The following SULT1B1 variants were observed in gnomAD, a reference collection of about 807,000 sequenced individuals.
SULT1B1 encodes sulfotransferase 1B1.
SULT1B1 carries 28 observed loss-of-function variants against 34.6 expected under a neutral mutation model. The observed-to-expected ratio is 0.81, with a 90% CI of 0.60 to 1.11. The LOEUF (loss-of-function observed/expected upper bound fraction) is 1.11. Ranked by LOEUF, SULT1B1 falls within the 50% of genes least tolerant of loss-of-function variation. The pLI is 0.00. For missense variants in SULT1B1, 374 were observed against 352.2 expected (o/e 1.06, Z -0.50); for synonymous variants, 147 against 110.2 (o/e 1.33, Z -2.09).
Position 69,726,082 on chromosome 4 carries a change from A to ATATATATAT in SULT1B1, c.*1005_*1006insATATATATA, listed in dbSNP as rs1491502871. On this transcript the variant is annotated 3_prime_UTR_variant, in exon 8 of 8. Transcript: ENST00000310613. ...TATATATATATATATATATATATAT[A>ATATATATAT]AATGTTCCAAGAAAACATAGATCAG... The ATATATATAT allele has an allele frequency of 2.6e-5, 3 of 116,752 alleles. No individual in the cohort carries two copies. Among genetic ancestry groups the ATATATATAT allele is most frequent in the South Asian group, 2.7e-4 (1 of 3,726 alleles). 7.2% of individuals were successfully genotyped at this position (116,752 alleles called of 1,614,324 possible). A position where few individuals can be genotyped will look rare whatever the true frequency, so the allele number is the denominator to read the frequency against.
At chr4:69,729,721 T>C (rs900440306) in intron 7 of SULT1B1, among the ~76,000 whole-genome samples, 1 of 152,114 alleles carries the variant, frequency 6.6e-6, no homozygotes, top group African/African-American at 2.4e-5. Flanking sequence ...TTCCTAAGGC[T>C]ATGCTCACTT....
intron 1 of SULT1B1, among the ~76,000 whole-genome samples, chr4:69,757,307 T>C (rs771901279): frequency 1.4e-4 from 22 of 152,204 alleles, no homozygotes; most frequent in Non-Finnish European, 2.6e-4. Flanking sequence ...AATTGCATAA[T>C]ATCTTAGATG....
intron 7 of SULT1B1, among the ~76,000 whole-genome samples, chr4:69,730,111 T>C (rs1291560051): frequency 6.6e-6 from 1 of 152,058 alleles, no homozygotes; most frequent in African/African-American, 2.4e-5. Flanking sequence ...ATGGGGACTT[T>C]AAAGACTATG....
chr4:69,735,264 G>A (rs145352995), intron 4 of SULT1B1, among the ~76,000 whole-genome samples: 1 of 152,006 alleles, frequency 6.6e-6, no homozygotes, highest in Non-Finnish European at 1.5e-5. Flanking sequence ...ATATACTCTT[G>A]GATTGGGCAG....
chr4:69,753,629 C>T (rs187606325), intron 3 of SULT1B1, among the ~76,000 whole-genome samples: 1 of 152,190 alleles, frequency 6.6e-6, no homozygotes, highest in Non-Finnish European at 1.5e-5. Flanking sequence ...GGACTGTATC[C>T]TGGGATATTC....
In SULT1B1 at chr4:69,726,974, G is replaced by T; in HGVS notation, c.*114C>A. 1 of 633,670 alleles carries T rather than the reference G, an allele frequency of 1.6e-6. No individual in the cohort carries two copies. Among genetic ancestry groups the T allele is most frequent in the Non-Finnish European group, 2.5e-6 (1 of 399,808 alleles). 39.3% of individuals were successfully genotyped at this position (633,670 alleles called of 1,614,324 possible). On this transcript the variant is annotated 3_prime_UTR_variant, in exon 8 of 8. Transcript: ENST00000310613. Reference sequence around the variant, plus strand: ...ATTGAAAAGAATCAACATATTAAAAGCATATTATTCTCCTTTATAAATTCA... The same window carrying T: ...ATTGAAAAGAATCAACATATTAAAATCATATTATTCTCCTTTATAAATTCA...
chr4:69,723,745 C>T lies in SULT1B1; in HGVS notation c.*3343G>A, dbSNP rs1005443789. 4.6e-5 allele frequency: 7 copies of T among 152,108 alleles called. No individual in the cohort carries two copies. Among genetic ancestry groups the T allele is most frequent in the African/African-American group, 1.4e-4 (6 of 41,410 alleles). The allele number at this position is 152,108 out of a possible 1,614,324, so 9.4% of individuals were successfully genotyped here. A position where few individuals can be genotyped will look rare whatever the true frequency, so the allele number is the denominator to read the frequency against. On this transcript the variant is annotated 3_prime_UTR_variant, in exon 8 of 8. Transcript: ENST00000310613. ...CATATGCAAATCAATAAATGTAATCCAGCATATAAACAGAACCAAAGACAA... is the reference window on the plus strand; with the variant it reads ...CATATGCAAATCAATAAATGTAATCTAGCATATAAACAGAACCAAAGACAA...
chr4:69,756,758 T>C (rs1719206713), intron 1 of SULT1B1, among the ~76,000 whole-genome samples: 1 of 152,150 alleles, frequency 6.6e-6, no homozygotes, highest in South Asian at 2.1e-4. Flanking sequence ...CCTGCATACC[T>C]GCCTCTAAAA....
At chr4:69,743,700 G>T (rs1017978208) in intron 4 of SULT1B1, among the ~76,000 whole-genome samples, 3 of 152,178 alleles carry the variant, frequency 2.0e-5, no homozygotes, top group African/African-American at 7.2e-5. Flanking sequence ...AAGTCCAGAG[G>T]GGACCCAGGG....
intron 1 of SULT1B1, among the ~76,000 whole-genome samples, chr4:69,759,515 G>C (rs1719316638): frequency 6.6e-6 from 1 of 152,186 alleles, no homozygotes; most frequent in South Asian, 2.1e-4. Context: ...ATATATGCTA[G>C]TCACCTCTGG....
In SULT1B1 at chr4:69,727,596, GA is replaced by G. The variant is rs1578043714; in HGVS notation, c.779-397del. 2.0e-5 allele frequency among the ~76,000 whole-genome samples: 3 copies of G among 151,998 alleles called. No individual in the cohort carries two copies. In the East Asian group the frequency reaches 5.8e-4, roughly 29 times the overall value. On this transcript the variant is annotated intron_variant, in intron 7 of 7. Transcript: ENST00000310613. The stretch of plus-strand genomic sequence containing the variant: ...ATTTTATTTCACAAAGTAATTTTTG[GA>G]AACTAGACAAAAAATTAGTCATCAG...
At chr4:69,732,887 A>AT (rs1491345258) in intron 6 of SULT1B1, among the ~76,000 whole-genome samples, 13 of 152,054 alleles carry the variant, frequency 8.5e-5, no homozygotes, top group African/African-American at 3.1e-4. Context: ...TATTGTTGAA[A>AT]GAGAACAAAA....
chr4:69,754,850 G>A lies in SULT1B1; in HGVS notation c.149-52C>T, dbSNP rs142042962. 345 of 1,577,320 alleles carry A rather than the reference G, an allele frequency of 2.2e-4. 4 individuals carry two copies. In the African/African-American group the frequency reaches 4.0e-3, roughly 18 times the overall value. On this transcript the variant is annotated intron_variant, in intron 2 of 7. Transcript: ENST00000310613. ...ATAATTACCCAAATTGCACGGGAGA[G>A]GGAGAAGAATTTATTGGAAACACTA...
At chr4:69,727,884 A>T (rs888742989) in intron 7 of SULT1B1, among the ~76,000 whole-genome samples, 5 of 152,044 alleles carry the variant, frequency 3.3e-5, no homozygotes, top group African/African-American at 4.8e-5. Context: ...TTGGAAAATG[A>T]ATAAACTTTT....
intron 4 of SULT1B1, among the ~76,000 whole-genome samples, chr4:69,741,805 T>TA (rs146201404): frequency 0.027 from 4,115 of 152,278 alleles, 185 homozygotes; most frequent in African/African-American, 0.094. Flanking sequence ...GTTTTCTAGC[T>TA]AAAAAATCAT....
rs11569734 is a variant in SULT1B1 at position 69,754,646 on chromosome 4, T to C, written c.277+24A>G. The C allele has an allele frequency of 7.0e-3, 11,227 of 1,606,546 alleles. 52 individuals carry two copies. Among genetic ancestry groups the C allele is most frequent in the Non-Finnish European group, 8.0e-3 (9,400 of 1,176,120 alleles). ...CTGTCTAAATAATATTACAAAATAA[T>C]AATTCCAAGTGGGTTAAATTTACCT... On this transcript the variant is annotated intron_variant, in intron 3 of 7. Coordinates refer to ENST00000310613, the MANE Select transcript of SULT1B1 (RefSeq NM_014465.4).
In SULT1B1 at chr4:69,724,057, T is replaced by C; in HGVS notation, c.*3031A>G. 6.6e-6 allele frequency: 1 copy of C among 152,216 alleles called. No individual in the cohort carries two copies. Among genetic ancestry groups the C allele is most frequent in the Non-Finnish European group, 1.5e-5 (1 of 68,054 alleles). The allele number at this position is 152,216 out of a possible 1,614,324, so 9.4% of individuals were successfully genotyped here. On this transcript the variant is annotated 3_prime_UTR_variant, in exon 8 of 8. Coordinates refer to ENST00000310613, the MANE Select transcript of SULT1B1 (RefSeq NM_014465.4). ...AGGCAGGAGAAAGAAATAAAGGGTA[T>C]TCAATTAGGAGAAGAGGAAGTCAAA... is the stretch of plus-strand genomic sequence containing the variant.
At chr4:69,741,287 C>A (rs1034932559) in intron 4 of SULT1B1, among the ~76,000 whole-genome samples, 1 of 152,136 alleles carries the variant, frequency 6.6e-6, no homozygotes, top group African/African-American at 2.4e-5. Flanking sequence ...TTGGTTACTG[C>A]AGCCTTGTAG....
chr4:69,730,204 G>A (rs1718019641), intron 7 of SULT1B1, among the ~76,000 whole-genome samples: 1 of 152,126 alleles, frequency 6.6e-6, no homozygotes, highest in Non-Finnish European at 1.5e-5. Context: ...AAAGATTGAA[G>A]GGAGTAAGAA....
Sources: gnomAD v4.1 joint callset for allele counts (sites outside exome capture counted in the v4.1 genomes callset) on GRCh38, gnomAD v4.1.1 for gene constraint, MANE v1.5 for transcripts, NCBI Gene and HGNC (gene_info 2026-07-23, HGNC 2026-07-21) for gene names.